The following KCNQ5 variants were observed in gnomAD, a reference collection of about 807,000 sequenced individuals.
The protein encoded by KCNQ5 is potassium voltage-gated channel subfamily KQT member 5.
KCNQ5 carries 30 observed loss-of-function variants against 98.2 expected under a neutral mutation model. The observed-to-expected ratio is 0.31, with a 90% CI of 0.23 to 0.41. KCNQ5 has a LOEUF of 0.41. Ranked by LOEUF, KCNQ5 falls within the 10% of genes least tolerant of loss-of-function variation. The pLI, the probability that KCNQ5 is intolerant of heterozygous loss-of-function variation, is 1.00. For synonymous variants in KCNQ5, 458 were observed against 449.4 expected (o/e 1.02, Z -0.24); for missense variants, 835 against 1,182.5 (o/e 0.71, Z 4.31).
At chr6:72,687,943 A>C (rs1272446359) in intron 1 of KCNQ5, among the ~76,000 whole-genome samples, 1 of 149,688 alleles carries the variant, frequency 6.7e-6, no homozygotes, top group Non-Finnish European at 1.5e-5. Context: ...GGTTCAAGCG[A>C]TTCTTCTGCC....
chr6:72,836,723 A>T (rs537144685), intron 1 of KCNQ5, among the ~76,000 whole-genome samples: 1 of 152,188 alleles, frequency 6.6e-6, no homozygotes, highest in African/African-American at 2.4e-5. Context: ...AAACACTTTG[A>T]TATATTTTAT....
In KCNQ5 at chr6:72,854,599, A is replaced by G. The variant is rs566927756; in HGVS notation, c.399-149309A>G. On this transcript the variant is annotated intron_variant, in intron 1 of 13. Transcript: ENST00000370398. Reference sequence around the variant, plus strand: ...TGAGGATATGTTAAAGGATTCTTTTATTATACTTCAGTCCTTTGAGGCATT... The same window carrying G: ...TGAGGATATGTTAAAGGATTCTTTTGTTATACTTCAGTCCTTTGAGGCATT... Among the ~76,000 whole-genome samples the G allele has an allele frequency of 9.2e-5, 14 of 151,842 alleles. No homozygotes were observed. In the South Asian group the frequency reaches 2.3e-3, roughly 25 times the overall value.
chr6:72,896,885 T>C (rs925134610), intron 1 of KCNQ5, among the ~76,000 whole-genome samples: 1 of 152,046 alleles, frequency 6.6e-6, no homozygotes, highest in Non-Finnish European at 1.5e-5. Context: ...CCAAAAGAGG[T>C]CTCCTTTGGT....
chr6:73,054,299 T>C (rs1000134413), intron 3 of KCNQ5, among the ~76,000 whole-genome samples: 2 of 152,084 alleles, frequency 1.3e-5, no homozygotes, highest in African/African-American at 4.8e-5. Flanking sequence ...CTACTGAAAC[T>C]ATTCCAAAAA....
chr6:73,165,932 C>T (rs1354798580), intron 10 of KCNQ5, among the ~76,000 whole-genome samples: 2 of 147,720 alleles, frequency 1.4e-5, no homozygotes, highest in African/African-American at 5.0e-5. Context: ...GTGACTCCGT[C>T]TCAAAAAAAA....
intron 1 of KCNQ5, among the ~76,000 whole-genome samples, chr6:72,829,979 C>A (rs1195337504): frequency 2.0e-5 from 3 of 152,022 alleles, no homozygotes; most frequent in Non-Finnish European, 4.4e-5. Flanking sequence ...AATTCCCATT[C>A]ACAATTGCTT....
At chr6:72,693,025 A>G (rs759059649) in intron 1 of KCNQ5, among the ~76,000 whole-genome samples, 3 of 152,208 alleles carry the variant, frequency 2.0e-5, no homozygotes, top group Non-Finnish European at 4.4e-5. Flanking sequence ...TTTAAAAAGA[A>G]TATTTCTAAT....
intron 1 of KCNQ5, among the ~76,000 whole-genome samples, chr6:72,644,767 T>C (rs1219983747): frequency 6.6e-6 from 1 of 152,150 alleles, no homozygotes; most frequent in African/African-American, 2.4e-5. Context: ...GTAGTCCTTC[T>C]TATTCTCTGT....
At chr6:73,189,014 T>C in intron 11 of KCNQ5, among the ~76,000 whole-genome samples, 1 of 150,778 alleles carries the variant, frequency 6.6e-6, no homozygotes, top group African/African-American at 2.4e-5. Context: ...AAGACATCTA[T>C]GTCTGCCTTT....
intron 2 of KCNQ5, among the ~76,000 whole-genome samples, chr6:73,012,034 A>G (rs1359666742): frequency 1.3e-5 from 2 of 152,106 alleles, no homozygotes; most frequent in African/African-American, 4.8e-5. Flanking sequence ...GTGAAATGCT[A>G]TAGCCACTAT....
chr6:72,863,270 A>G (rs144659272), intron 1 of KCNQ5, among the ~76,000 whole-genome samples: 28 of 152,324 alleles, frequency 1.8e-4, no homozygotes, highest in Non-Finnish European at 3.5e-4. Flanking sequence ...AGACCCTTAC[A>G]TGTTAATCCT....
At position 73,075,905 on chromosome 6, in the gene KCNQ5, C is replaced by A. The variant is rs150542877; in HGVS notation, c.617-1417C>A. Among the ~76,000 whole-genome samples the A allele has an allele frequency of 7.5e-3, 1,139 of 152,164 alleles. 10 individuals are homozygous for A. The highest frequency in any genetic ancestry group is 0.026 in the African/African-American group (1,072 of 41,510). On this transcript the variant is annotated intron_variant, in intron 3 of 13. Coordinates refer to ENST00000370398, the MANE Select transcript of KCNQ5 (RefSeq NM_019842.4). ...CAAAAAAATACAAAAATTAGCCAGGCGTGTTGGTGCATGCCTGTAGTCCTA... is the reference window on the plus strand; with the variant it reads ...CAAAAAAATACAAAAATTAGCCAGGAGTGTTGGTGCATGCCTGTAGTCCTA...
chr6:72,825,163 A>C, intron 1 of KCNQ5, among the ~76,000 whole-genome samples: 1 of 152,026 alleles, frequency 6.6e-6, no homozygotes, highest in Non-Finnish European at 1.5e-5. Context: ...CAAAAAAACG[A>C]ACATTTAGGC....
chr6:72,694,945 G>A (rs1565084364), intron 1 of KCNQ5, among the ~76,000 whole-genome samples: 2 of 105,270 alleles, frequency 1.9e-5, no homozygotes, highest in Non-Finnish European at 3.4e-5. Flanking sequence ...TAAGTCTCAC[G>A]GAGAGCTTTT....
intron 1 of KCNQ5, among the ~76,000 whole-genome samples, chr6:72,660,175 G>A (rs538712148): frequency 3.9e-5 from 6 of 152,168 alleles, no homozygotes; most frequent in East Asian, 3.9e-4. Context: ...ACTGTGTAGC[G>A]GAGCCTGTGC....
intron 1 of KCNQ5, among the ~76,000 whole-genome samples, chr6:72,912,551 A>G (rs1351701502): frequency 1.3e-5 from 2 of 152,180 alleles, no homozygotes; most frequent in Non-Finnish European, 2.9e-5. Flanking sequence ...AATTCAAGTC[A>G]TGGGATATTT....
chr6:72,973,861 T>G (rs1407111376), intron 1 of KCNQ5, among the ~76,000 whole-genome samples: 1 of 152,356 alleles, frequency 6.6e-6, no homozygotes, highest in African/African-American at 2.4e-5. Context: ...TATTTTTCCT[T>G]TGGTTATTTT....
intron 10 of KCNQ5, among the ~76,000 whole-genome samples, chr6:73,167,391 C>G (rs773222981): frequency 6.6e-6 from 1 of 152,286 alleles, no homozygotes; most frequent in East Asian, 1.9e-4. Flanking sequence ...TCTGATACTG[C>G]GTAATGCAAT....
intron 3 of KCNQ5, among the ~76,000 whole-genome samples, chr6:73,043,688 T>C (rs1256045261): frequency 1.3e-5 from 2 of 152,224 alleles, no homozygotes; most frequent in Admixed American, 6.5e-5. Flanking sequence ...GGTCAGTTCA[T>C]GGATGACTGG....
Sources: allele counts gnomAD v4.1 joint callset (sites outside exome capture counted in the v4.1 genomes callset), GRCh38; gene constraint gnomAD v4.1.1; transcripts MANE v1.5; gene names NCBI Gene and HGNC (gene_info 2026-07-23, HGNC 2026-07-21).